Variants in IPO9 observed in about 807,000 individuals in gnomAD.
IPO9 encodes importin-9.
Under a neutral mutation model 128.6 loss-of-function variants are expected in IPO9, and 28 were observed. That is an observed-to-expected ratio of 0.22 (90% CI 0.16 to 0.30). The LOEUF (loss-of-function observed/expected upper bound fraction) is 0.30, where lower values mean the gene tolerates loss of function less well. IPO9 is among the 10% of genes least tolerant of loss of function. The pLI is 1.00. For synonymous variants in IPO9, 455 were observed against 475.8 expected (o/e 0.96, Z 0.57); for missense variants, 935 against 1,293.9 (o/e 0.72, Z 4.26).
At chr1:201,832,187 C>T (rs1394742312) in intron 1 of IPO9, among the ~76,000 whole-genome samples, 1 of 152,056 alleles carries the variant, frequency 6.6e-6, no homozygotes, top group African/African-American at 2.4e-5. Flanking sequence ...AGCCGTGAGC[C>T]ACTGCACCCA....
intron 1 of IPO9, among the ~76,000 whole-genome samples, chr1:201,837,665 T>C (rs751876534): frequency 7.6e-4 from 116 of 152,246 alleles, no homozygotes; most frequent in Non-Finnish European, 1.4e-3. Context: ...TTCATTTTGA[T>C]CTTGTTTTAG....
chr1:201,858,983 T>C lies in IPO9; in HGVS notation c.1457T>C (p.Leu486Pro). 6.2e-7 allele frequency: 1 copy of C among 1,606,792 alleles called. No homozygotes were observed. The highest frequency in any genetic ancestry group is 8.5e-7 in the Non-Finnish European group (1 of 1,174,228). ...CTGACCAATGTCATCCTTGCAGACC[T>C]CAACCTCTCAGGTATGTTTCAGCAC... ...GFLTNVILAD[L>P]NLSVSPFLLG... is the part of the protein sequence containing the mutation. The change falls in exon 13 of 24, where the codon CTC becomes CCC. Residue 486 changes from leucine (L) to proline (P), a missense_variant. Around this residue, in one of 3 missense-constraint regions of IPO9, gnomAD observed 741 missense variants for 1,019.1 expected, o/e 0.73. Coordinates refer to ENST00000361565, the MANE Select transcript of IPO9 (RefSeq NM_018085.5).
chr1:201,863,420 G>A, intron 13 of IPO9, 28 bp from the exon 14 acceptor site: 1 of 1,525,042 alleles, frequency 6.6e-7, no homozygotes, highest in Non-Finnish European at 8.9e-7. Flanking sequence ...TCATTTTCCA[G>A]CCCCTAATTG....
At chr1:201,830,590 A>C (rs1396992615) in intron 1 of IPO9, among the ~76,000 whole-genome samples, 1 of 152,238 alleles carries the variant, frequency 6.6e-6, no homozygotes, top group East Asian at 1.9e-4. Flanking sequence ...ACTGGTTAGG[A>C]GAAAGCTGTT....
At chr1:201,836,468 C>G (rs1056414334) in intron 1 of IPO9, among the ~76,000 whole-genome samples, 1 of 152,170 alleles carries the variant, frequency 6.6e-6, no homozygotes, top group Non-Finnish European at 1.5e-5. Flanking sequence ...TCACTGCAGC[C>G]TCAAACTCCT....
At chr1:201,871,375 T>C in intron 19 of IPO9, 48 bp downstream of exon 19, 1 of 441,114 alleles carries the variant, frequency 2.3e-6, no homozygotes, top group Non-Finnish European at 3.5e-6. Flanking sequence ...CACTCATATT[T>C]CTTTTTTTTT....
intron 20 of IPO9, among the ~76,000 whole-genome samples, chr1:201,873,425 A>G (rs1680698298): frequency 7.0e-6 from 1 of 142,912 alleles, no homozygotes; most frequent in Non-Finnish European, 1.5e-5. Flanking sequence ...AGCCTGGACA[A>G]CAAAATGAGA....
chr1:201,834,294 T>C (rs1679887916), intron 1 of IPO9, among the ~76,000 whole-genome samples: 1 of 152,140 alleles, frequency 6.6e-6, no homozygotes, highest in Middle Eastern at 3.4e-3. Flanking sequence ...TTAAGCACTT[T>C]ACAAACATAG....
At chr1:201,845,541 C>T (rs1680111354) in intron 1 of IPO9, among the ~76,000 whole-genome samples, 1 of 152,140 alleles carries the variant, frequency 6.6e-6, no homozygotes, top group South Asian at 2.1e-4. Flanking sequence ...TAGCATAGTG[C>T]TGTACAACAG....
chr1:201,875,187 C>T lies in IPO9; in HGVS notation c.2974C>T (p.Pro992Ser). The T allele has an allele frequency of 6.2e-7, 1 of 1,614,128 alleles. No homozygotes were observed. The highest frequency in any genetic ancestry group is 8.5e-7 in the Non-Finnish European group (1 of 1,179,974). The change falls in exon 23 of 24, where the codon CCT becomes TCT. Residue 992 changes from proline to serine, a missense_variant. This residue lies in a region of IPO9 where 188 missense variants were observed against 246.7 expected (regional missense o/e 0.76). Coordinates refer to ENST00000361565, the MANE Select transcript of IPO9 (RefSeq NM_018085.5). The stretch of plus-strand genomic sequence containing the variant: ...CTACGAGGATGATGAGGAAGATGAC[C>T]CTGATGCCCTGAAGGATCCTCTCTA... ...DYYEDDEEDD[P>S]DALKDPLYQI...
chr1:201,873,256 C>T (rs1327798978), intron 20 of IPO9, among the ~76,000 whole-genome samples: 2 of 151,704 alleles, frequency 1.3e-5, no homozygotes, highest in Non-Finnish European at 2.9e-5. Context: ...ACTAGCCTGA[C>T]CAACATGGTG....
intron 1 of IPO9, among the ~76,000 whole-genome samples, chr1:201,840,575 C>T (rs1394181794): frequency 3.9e-5 from 6 of 152,114 alleles, no homozygotes; most frequent in African/African-American, 1.4e-4. Flanking sequence ...TTCAAAAATA[C>T]ATATTCACAA....
rs866734624 is a variant in IPO9 at position 201,879,587 on chromosome 1, T to C, written c.*3533T>C. The C allele has an allele frequency of 6.6e-5, 10 of 152,250 alleles. No individual in the cohort carries two copies. The highest frequency in any genetic ancestry group is 2.4e-4 in the African/African-American group (10 of 41,466). 9.4% of individuals were successfully genotyped at this position (152,250 alleles called of 1,614,324 possible). ...GAAACCCTTAGGAAGGATGACAATT[T>C]AGAATCCAAATTTAGGATCCAAACA... On this transcript the variant is annotated 3_prime_UTR_variant, in exon 24 of 24. Transcript: ENST00000361565.
intron 11 of IPO9, among the ~76,000 whole-genome samples, chr1:201,857,454 TATAGAGG>T (rs1680352403): frequency 6.6e-6 from 1 of 152,192 alleles, no homozygotes; most frequent in Non-Finnish European, 1.5e-5. Context: ...GGGAGAATTG[TATAGAGG>T]ATAAAGTGTT....
In IPO9 at chr1:201,881,356, A is replaced by G. The variant is rs1324689393; in HGVS notation, c.*5302A>G. On this transcript the variant is annotated 3_prime_UTR_variant, in exon 24 of 24. Coordinates refer to ENST00000361565, the MANE Select transcript of IPO9 (RefSeq NM_018085.5). ...AGCAGACAGATATTGTTAACCTATC[A>G]AAGGTCACCCTGCAAGTGTGTGATT... is the stretch of plus-strand genomic sequence containing the variant. The G allele has an allele frequency of 1.3e-5, 2 of 152,242 alleles. No homozygotes were observed. Among genetic ancestry groups the G allele is most frequent in the Non-Finnish European group, 2.9e-5 (2 of 68,046 alleles). The allele number at this position is 152,242 out of a possible 1,614,324, so 9.4% of individuals were successfully genotyped here.
At chr1:201,831,797 T>A (rs1390292371) in intron 1 of IPO9, among the ~76,000 whole-genome samples, 4 of 152,250 alleles carry the variant, frequency 2.6e-5, no homozygotes, top group African/African-American at 7.2e-5. Flanking sequence ...GTTCCTCCTA[T>A]TAGAATGCCC....
intron 13 of IPO9, among the ~76,000 whole-genome samples, 186 bp downstream of exon 13, chr1:201,859,180 A>AATATATATATAT (rs148348918): frequency 4.8e-5 from 4 of 83,478 alleles, no homozygotes; most frequent in African/African-American, 1.6e-4. Flanking sequence ...CTCAAAGTAT[A>AATATATATATAT]ATATATATAT....
rs1451489756 is a variant in IPO9, at chr1:201,855,861, A to G, written c.1049A>G (p.Lys350Arg). The G allele has an allele frequency of 6.2e-7, 1 of 1,612,588 alleles. No individual in the cohort carries two copies. Among genetic ancestry groups the G allele is most frequent in the South Asian group, 1.1e-5 (1 of 90,594 alleles). The change falls in exon 10 of 24, where the codon AAA becomes AGA. Residue 350 changes from lysine (K) to arginine (R), a missense_variant. This residue lies in a region of IPO9 where 741 missense variants were observed against 1,019.1 expected (regional missense o/e 0.73). Transcript: ENST00000361565. ...VHALLENSKF[K>R]STVKKALPEL... Reference sequence around the variant, plus strand: ...GCTCTACTAGAAAATAGCAAATTCAAAAGCACTGTTAAGAAAGCCTTGCCT... The same window carrying G: ...GCTCTACTAGAAAATAGCAAATTCAGAAGCACTGTTAAGAAAGCCTTGCCT...
chr1:201,872,390 G>A (rs942013627), intron 19 of IPO9, among the ~76,000 whole-genome samples: 2 of 152,046 alleles, frequency 1.3e-5, no homozygotes, highest in Admixed American at 1.3e-4. Flanking sequence ...ACTGAGGTGG[G>A]CGAATTGCTT....
Sources: gnomAD v4.1 joint callset for allele counts (sites outside exome capture counted in the v4.1 genomes callset) on GRCh38, gnomAD v4.1.1 for gene constraint, gnomAD v4.1.1 regional missense constraint, MANE v1.5 for transcripts, NCBI Gene and HGNC (gene_info 2026-07-23, HGNC 2026-07-21) for gene names.